The following JAK1 variants were observed in gnomAD, a reference collection of about 807,000 sequenced individuals.
JAK1 encodes the protein Janus kinase 1, also known as tyrosine-protein kinase JAK1.
JAK1 carries 16 observed loss-of-function variants against 136.6 expected under a neutral mutation model. The observed-to-expected ratio is 0.12, with a 90% confidence interval of 0.08 to 0.18. The LOEUF (loss-of-function observed/expected upper bound fraction) is 0.18. JAK1 is among the 10% of genes least tolerant of loss of function. The pLI, the probability that JAK1 is intolerant of heterozygous loss-of-function variation, is 1.00. For synonymous variants in JAK1, 492 were observed against 519.5 expected (o/e 0.95, Z 0.72); for missense variants, 859 against 1,450.1 (o/e 0.59, Z 6.62).
intron 2 of JAK1, among the ~76,000 whole-genome samples, chr1:64,971,567 T>C (rs1047598116): frequency 6.6e-6 from 1 of 152,018 alleles, no homozygotes. Context: ...TCATACTTTT[T>C]TTTTTTTTTG....
chr1:65,007,191 G>A (rs181382446), intron 2 of JAK1, among the ~76,000 whole-genome samples: 8 of 152,326 alleles, frequency 5.3e-5, no homozygotes, highest in Middle Eastern at 6.8e-3. Context: ...AGGAAGCCCA[G>A]TATCTGACAG....
intron 4 of JAK1, among the ~76,000 whole-genome samples, chr1:64,877,958 T>C (rs528873421): frequency 3.3e-4 from 50 of 152,198 alleles, no homozygotes; most frequent in Non-Finnish European, 6.3e-4. Context: ...AGGATGATTA[T>C]CAAAGAAAGT....
At chr1:64,874,529 C>T (rs1006896179) in intron 4 of JAK1, among the ~76,000 whole-genome samples, 1 of 152,090 alleles carries the variant, frequency 6.6e-6, no homozygotes, top group Non-Finnish European at 1.5e-5. Context: ...GTCAATTGCA[C>T]AGGGGGTTGG....
At chr1:64,867,279 T>C (rs992528208) in intron 6 of JAK1, 71 bp from the exon 7 acceptor site, 18 of 1,167,158 alleles carry the variant, frequency 1.5e-5, no homozygotes, top group African/African-American at 4.6e-5. Flanking sequence ...GAAACAAATC[T>C]AAGTCCATGA....
chr1:64,838,430 G>C (rs767898664), intron 21 of JAK1, 35 bp downstream of exon 21: 15 of 1,608,504 alleles, frequency 9.3e-6, no homozygotes, highest in Non-Finnish European at 1.2e-5. Flanking sequence ...AGTGCCTGAT[G>C]TCTTAATCTG....
chr1:64,849,019 G>A (rs937682360), intron 12 of JAK1, among the ~76,000 whole-genome samples: 2 of 152,124 alleles, frequency 1.3e-5, no homozygotes, highest in African/African-American at 4.8e-5. Context: ...AGAACATCCC[G>A]TAAAAGCCAT....
intron 2 of JAK1, among the ~76,000 whole-genome samples, chr1:65,009,222 T>A (rs1157633536): frequency 6.6e-6 from 1 of 152,152 alleles, no homozygotes; most frequent in Non-Finnish European, 1.5e-5. Context: ...AAAAGATCTG[T>A]TAATTACAGA....
chr1:64,966,892 C>T (rs750745510), upstream of JAK1, among the ~76,000 whole-genome samples: 4 of 152,044 alleles, frequency 2.6e-5, no homozygotes, highest in Non-Finnish European at 5.9e-5. Context: ...TTTGTGCGCT[C>T]GATGCAGAAA....
intron 8 of JAK1, among the ~76,000 whole-genome samples, 174 bp downstream of exon 8, chr1:64,864,613 G>C (rs1570663868): frequency 6.6e-6 from 1 of 152,228 alleles, no homozygotes; most frequent in South Asian, 2.1e-4. Flanking sequence ...ATGTATCGGT[G>C]TAACTTTAAA....
chr1:65,058,536 G>A, intron 1 of JAK1: 2 of 531,310 alleles, frequency 3.8e-6, no homozygotes, highest in Non-Finnish European at 7.7e-6. Flanking sequence ...TCGGTCAACG[G>A]CATCCTTTCT....
chr1:64,893,957 T>A (rs185648337), intron 1 of JAK1, among the ~76,000 whole-genome samples: 8 of 152,206 alleles, frequency 5.3e-5, no homozygotes, highest in Non-Finnish European at 1.2e-4. Flanking sequence ...TTCACCTACT[T>A]CTTCTCACCT....
chr1:64,920,080 T>C (rs952996215), intron 1 of JAK1, among the ~76,000 whole-genome samples: 54 of 152,348 alleles, frequency 3.5e-4, no homozygotes, highest in African/African-American at 1.1e-3. Flanking sequence ...AGTAGCTCCC[T>C]ATTGAAAGTT....
chr1:64,942,324 A>G (rs1645904838), intron 1 of JAK1: 1 of 152,196 alleles, frequency 6.6e-6, no homozygotes, highest in South Asian at 2.1e-4. Context: ...CCACTTTGAT[A>G]CTCAAGGACA....
intron 1 of JAK1, among the ~76,000 whole-genome samples, chr1:64,909,080 T>C (rs991423423): frequency 2.0e-5 from 3 of 152,262 alleles, no homozygotes; most frequent in Admixed American, 6.5e-5. Flanking sequence ...TTATGCTAGC[T>C]ATCCGCCACA....
rs373967644 is a variant in JAK1 at position 64,980,578 on chromosome 1, T to A, written c.-78+63902A>T. Among the ~76,000 whole-genome samples the A allele has an allele frequency of 1.2e-3, 188 of 151,498 alleles. 5 individuals carry two copies. Among genetic ancestry groups the A allele is most frequent in the East Asian group, 5.4e-3 (28 of 5,168 alleles). ...TCTTTTTTTTTTTTAAACTCTTTTT[T>A]TATATATATATATACTTTAAGTTTT... On this transcript the variant is annotated intron_variant, in intron 2 of 25. Transcript: ENST00000671954.
At chr1:64,897,482 A>G (rs1230171614) in intron 1 of JAK1, among the ~76,000 whole-genome samples, 4 of 1,746 alleles carry the variant, frequency 2.3e-3, no homozygotes, top group Non-Finnish European at 3.5e-3. Flanking sequence ...GGAGGGGGGG[A>G]GGGGGAGGGG....
chr1:64,881,123 A>G (rs1644766040), intron 3 of JAK1, among the ~76,000 whole-genome samples: 1 of 151,748 alleles, frequency 6.6e-6, no homozygotes, highest in African/African-American at 2.4e-5. Flanking sequence ...TGAGCCAGGC[A>G]TGGTGGCACA....
At position 65,008,797 on chromosome 1, in the gene JAK1, T is replaced by C. The variant is rs932052144; in HGVS notation, c.-78+35683A>G. ...CAACCTGCCTGGGCTCAAGTAATCCTCCCAACTCAGCCTCTCAAGTAGCTG... is the reference window on the plus strand; with the variant it reads ...CAACCTGCCTGGGCTCAAGTAATCCCCCCAACTCAGCCTCTCAAGTAGCTG... On this transcript the variant is annotated intron_variant, in intron 2 of 25. Coordinates refer to the JAK1 transcript ENST00000671954. Among the ~76,000 whole-genome samples, 51 of 152,070 alleles carry C rather than the reference T, an allele frequency of 3.4e-4. 1 individual carries two copies. Among genetic ancestry groups the C allele is most frequent in the African/African-American group, 1.2e-3 (48 of 41,398 alleles).
intron 1 of JAK1, among the ~76,000 whole-genome samples, chr1:64,963,255 A>G (rs1416102082): frequency 6.6e-6 from 1 of 152,182 alleles, no homozygotes; most frequent in Non-Finnish European, 1.5e-5. Context: ...CTCTTATAGA[A>G]AAGAAATTGG....
Sources: allele counts gnomAD v4.1 joint callset (sites outside exome capture counted in the v4.1 genomes callset), GRCh38; gene constraint gnomAD v4.1.1; transcripts MANE v1.5; gene names NCBI Gene and HGNC (gene_info 2026-07-23, HGNC 2026-07-21).